SDC2: variants seen among roughly 807,000 people sequenced by gnomAD.
SDC2 encodes syndecan-2.
In SDC2, 13 loss-of-function variants were observed where a neutral mutation model predicts 22.2. The ratio of observed to expected loss-of-function variants is 0.59; its 90% CI spans 0.38 to 0.93. The LOEUF (loss-of-function observed/expected upper bound fraction) is 0.93, where lower values mean the gene tolerates loss of function less well. Ranked by LOEUF, SDC2 falls within the 40% of genes least tolerant of loss-of-function variation. SDC2 has a pLI of 0.00. For missense variants in SDC2, 235 were observed against 246.8 expected, an observed-to-expected ratio of 0.95 and a Z score of 0.32; for synonymous variants, 94 against 92.8, an observed-to-expected ratio of 1.01 and a Z score of -0.07.
At chr8:96,496,975 T>C (rs1163860789) in intron 1 of SDC2, among the ~76,000 whole-genome samples, 1 of 152,232 alleles carries the variant, frequency 6.6e-6, no homozygotes, top group African/African-American at 2.4e-5. Context: ...AGTGATATGC[T>C]GCTGGTTTTC....
chr8:96,553,450 G>GTTTTTT, intron 1 of SDC2, among the ~76,000 whole-genome samples: 1 of 147,390 alleles, frequency 6.8e-6, no homozygotes, highest in African/African-American at 2.5e-5. Context: ...AAAATTACAG[G>GTTTTTT]TTTTTTTTTT....
At chr8:96,594,120 G>A (rs2455050) in intron 2 of SDC2, among the ~76,000 whole-genome samples, 152,254 of 152,342 alleles carry the variant, frequency 1, 76,083 homozygotes, top group Non-Finnish European at 1. Flanking sequence ...GTAGTGACAT[G>A]ATCAGATTCC....
At chr8:96,605,513 G>T (rs1485328335) in intron 3 of SDC2, among the ~76,000 whole-genome samples, 4 of 152,160 alleles carry the variant, frequency 2.6e-5, no homozygotes, top group Non-Finnish European at 5.9e-5. Context: ...GCTCTCTTCT[G>T]CTTTACTTTG....
intron 1 of SDC2, among the ~76,000 whole-genome samples, chr8:96,517,298 A>G (rs1422350920): frequency 6.6e-6 from 1 of 152,160 alleles, no homozygotes; most frequent in Non-Finnish European, 1.5e-5. Context: ...TCATTCTCTT[A>G]ATAGTGTCCT....
intron 1 of SDC2, among the ~76,000 whole-genome samples, chr8:96,536,541 C>T (rs577005400): frequency 4.8e-5 from 6 of 124,320 alleles, no homozygotes; most frequent in African/African-American, 1.7e-4. Flanking sequence ...AGGCCAATCT[C>T]CAACTCCTGG....
At chr8:96,571,557 C>T (rs1814395450) in intron 1 of SDC2, among the ~76,000 whole-genome samples, 1 of 152,150 alleles carries the variant, frequency 6.6e-6, no homozygotes, top group South Asian at 2.1e-4. Flanking sequence ...GTTTGTGGTT[C>T]TGGGGTTTGA....
At chr8:96,537,565 A>C (rs1227703448) in intron 1 of SDC2, 2 of 152,234 alleles carry the variant, frequency 1.3e-5, no homozygotes, top group Admixed American at 6.5e-5. Flanking sequence ...ATGAGGTGTA[A>C]GGTCAGAAAA....
chr8:96,591,647 T>C (rs568351455), intron 1 of SDC2, among the ~76,000 whole-genome samples: 10 of 152,138 alleles, frequency 6.6e-5, no homozygotes, highest in Non-Finnish European at 1.2e-4. Context: ...AATAGTACTT[T>C]ATAATTAGGA....
intron 3 of SDC2, among the ~76,000 whole-genome samples, chr8:96,607,976 T>A (rs866347203): frequency 9.2e-5 from 14 of 152,168 alleles, no homozygotes; most frequent in Middle Eastern, 3.4e-3. Flanking sequence ...ATTGGGGCAG[T>A]GCTGTTGGGT....
chr8:96,607,119 C>A (rs540325949), intron 3 of SDC2, among the ~76,000 whole-genome samples: 2 of 119,994 alleles, frequency 1.7e-5, no homozygotes, highest in Admixed American at 8.2e-5. Context: ...CCCCCTCCAT[C>A]CCCCCCACCC....
rs567223016 is a variant in SDC2, at chr8:96,598,940, C to CTT, written c.173-3437_173-3436dup. On this transcript the variant is annotated intron_variant, in intron 2 of 4. Coordinates refer to ENST00000302190, the MANE Select transcript of SDC2 (RefSeq NM_002998.4). ...AGACAGATTGCCCATCTGTCTCTAT[C>CTT]TTTTTTTTTTTTTTTTTTTGAGACA... Among the ~76,000 whole-genome samples the CTT allele has an allele frequency of 4.1e-3, 527 of 127,432 alleles. 8 individuals carry two copies. The highest frequency in any genetic ancestry group is 4.9e-3 in the Non-Finnish European group (301 of 61,026). The allele number at this position is 127,432 out of a possible 152,430, so 83.6% of individuals were successfully genotyped here.
intron 1 of SDC2, among the ~76,000 whole-genome samples, chr8:96,556,030 A>C (rs1401376859): frequency 6.8e-6 from 1 of 146,554 alleles, no homozygotes; most frequent in Non-Finnish European, 1.5e-5. Context: ...GAATTATTAG[A>C]ATATCACACA....
intron 1 of SDC2, among the ~76,000 whole-genome samples, chr8:96,576,159 A>G (rs10955075): frequency 0.084 from 12,798 of 152,012 alleles, 602 homozygotes; most frequent in East Asian, 0.2. Context: ...TATAATTTTT[A>G]GCAGATTTCA....
chr8:96,592,658 T>G (rs1814801839), intron 1 of SDC2, among the ~76,000 whole-genome samples: 1 of 152,230 alleles, frequency 6.6e-6, no homozygotes, highest in Non-Finnish European at 1.5e-5. Flanking sequence ...AAACTCTTAC[T>G]GAAGAGTTAA....
chr8:96,540,108 T>G (rs1813820796), intron 1 of SDC2, among the ~76,000 whole-genome samples: 2 of 151,798 alleles, frequency 1.3e-5, no homozygotes, highest in Admixed American at 1.3e-4. Context: ...GAAAATCATC[T>G]ATGATTATGC....
At chr8:96,582,360 G>C (rs576226563) in intron 1 of SDC2, among the ~76,000 whole-genome samples, 4 of 151,760 alleles carry the variant, frequency 2.6e-5, no homozygotes, top group African/African-American at 9.7e-5. Context: ...CAGCCACCCT[G>C]GTGACTTGGT....
chr8:96,572,845 A>G (rs1814419102), intron 1 of SDC2, among the ~76,000 whole-genome samples: 1 of 152,326 alleles, frequency 6.6e-6, no homozygotes, highest in Middle Eastern at 3.4e-3. Context: ...GTAGGTTTAT[A>G]TGAAGGTGGG....
rs574496604 is a variant in SDC2 at position 96,575,193 on chromosome 8, A to T, written c.61-18287A>T. 9.9e-4 allele frequency among the ~76,000 whole-genome samples: 150 copies of T among 152,262 alleles called. 1 individual carries two copies. Among genetic ancestry groups the T allele is most frequent in the African/African-American group, 3.4e-3 (141 of 41,530 alleles). On this transcript the variant is annotated intron_variant, in intron 1 of 4. Coordinates refer to ENST00000302190, the MANE Select transcript of SDC2 (RefSeq NM_002998.4). ...CCAGAAATCTAAGCCTTTCTCCTTCATGAAAACTGTAGAGATGCAGAGCCT... is the reference window on the plus strand; with the variant it reads ...CCAGAAATCTAAGCCTTTCTCCTTCTTGAAAACTGTAGAGATGCAGAGCCT...
At chr8:96,520,313 T>TTA (rs1373788486) in intron 1 of SDC2, among the ~76,000 whole-genome samples, 3 of 152,206 alleles carry the variant, frequency 2.0e-5, no homozygotes, top group African/African-American at 7.2e-5. Flanking sequence ...GGTGGTGACT[T>TTA]TATGGGAACA....
Sources: allele counts gnomAD v4.1 joint callset (sites outside exome capture counted in the v4.1 genomes callset), GRCh38; gene constraint gnomAD v4.1.1; transcripts MANE v1.5; gene names NCBI Gene and HGNC (gene_info 2026-07-23, HGNC 2026-07-21).